The following STX6 variants were observed in gnomAD, a reference collection of about 807,000 sequenced individuals.
STX6 encodes the protein syntaxin-6.
A neutral mutation model predicts 38.0 loss-of-function variants in STX6; 23 were observed. That is an observed-to-expected ratio of 0.60 (90% CI 0.43 to 0.86). The LOEUF is 0.86. Among genes scored for constraint, STX6 ranks in the 40% least tolerant of loss-of-function variants. STX6 has a pLI of 0.00. For missense variants in STX6, 274 were observed against 312.9 expected (o/e 0.88, Z 0.94); for synonymous variants, 123 against 107.5 (o/e 1.14, Z -0.89).
chr1:181,009,479 A>AAAAAAAAAAGC (rs1656332193), intron 1 of STX6, among the ~76,000 whole-genome samples: 2 of 152,032 alleles, frequency 1.3e-5, no homozygotes, highest in African/African-American at 4.8e-5. Context: ...CCAAAAAAAA[A>AAAAAAAAAAGC]AAAAAAAAAG....
At chr1:180,998,857 G>A (rs958207796) in intron 3 of STX6, among the ~76,000 whole-genome samples, 14 of 152,120 alleles carry the variant, frequency 9.2e-5, no homozygotes, top group African/African-American at 3.1e-4. Context: ...AACACATGAC[G>A]TTTAGAACCA....
At chr1:180,979,200 G>A (rs1655336138) in intron 7 of STX6, among the ~76,000 whole-genome samples, 1 of 151,992 alleles carries the variant, frequency 6.6e-6, no homozygotes. Flanking sequence ...CTAAGGAAAG[G>A]ATCTCTGAGC....
At chr1:180,987,977 G>C in intron 6 of STX6, 1 of 306,940 alleles carries the variant, frequency 3.3e-6, no homozygotes, top group South Asian at 3.8e-5. Flanking sequence ...ACTATACTTC[G>C]AGTATCTGCT....
Position 180,976,646 on chromosome 1 carries a change from T to C in STX6, c.692A>G (p.Asp231Gly). The change falls in exon 8 of 8, where the codon GAT (aspartate) becomes GGT (glycine). Residue 231 changes from aspartate (D) to glycine (G), a missense_variant and splice_region_variant. Physicochemically the swap from Asp to Gly is moderately conservative, Grantham distance 94. Coordinates refer to ENST00000258301, the MANE Select transcript of STX6 (RefSeq NM_005819.6). Reference protein sequence around the residue: ...KLAKVSHMTSDRRQWCAIAIL... With the variant: ...KLAKVSHMTSGRRQWCAIAIL... ...GGCTATGGCACACCATTGGCGCCGA[T>C]CTGGAAGGCAGGACATGGGGATTAG... 1.2e-6 allele frequency: 2 copies of C among 1,613,240 alleles called. No individual in the cohort carries two copies. The highest frequency in any genetic ancestry group is 1.7e-6 in the Non-Finnish European group (2 of 1,179,972).
In STX6 at chr1:181,002,699, G is replaced by A. The variant is rs1656118370; in HGVS notation, c.207C>T (p.Ser69=). The A allele has an allele frequency of 6.2e-7, 1 of 1,608,996 alleles. No individual in the cohort carries two copies. The highest frequency in any genetic ancestry group is 8.5e-7 in the Non-Finnish European group (1 of 1,175,982). ...ATTTTCTAGGATTTGCTTCAACTAT[G>A]CGTAGGTCAAAAAGTCAAGGTAAAA... ...WDLEDLDETI[S]IVEANPRKFN... Residue 69 remains serine, a splice_region_variant and synonymous_variant, in exon 3 of 8, where the codon AGC becomes AGT. Coordinates refer to ENST00000258301, the MANE Select transcript of STX6 (RefSeq NM_005819.6).
chr1:180,983,654 G>T (rs531286480), intron 7 of STX6, among the ~76,000 whole-genome samples: 1 of 152,258 alleles, frequency 6.6e-6, no homozygotes, highest in East Asian at 1.9e-4. Context: ...ATCAATGAAA[G>T]AATGTTCAGG....
intron 5 of STX6, chr1:180,988,622 T>C: frequency 6.1e-6 from 2 of 326,366 alleles, no homozygotes; most frequent in South Asian, 5.8e-5. Flanking sequence ...TGACGTCCAA[T>C]AATGGAGCAG....
intron 3 of STX6, among the ~76,000 whole-genome samples, chr1:181,002,158 C>A (rs1057391046): frequency 5.9e-5 from 9 of 152,148 alleles, no homozygotes; most frequent in African/African-American, 1.9e-4. Flanking sequence ...AGATTAAAAA[C>A]AGATTTCTTT....
rs541057744 is a variant in STX6, at chr1:181,000,425, G to A, written c.300+2181C>T. ...GGCAACTTCTTCACAAGGCAGCAGG[G>A]AAGAGTGACAGAGCAAAGTGGGAAG... is the stretch of plus-strand genomic sequence containing the variant. On this transcript the variant is annotated intron_variant, in intron 3 of 7. Coordinates refer to ENST00000258301, the MANE Select transcript of STX6 (RefSeq NM_005819.6). Among the ~76,000 whole-genome samples the A allele has an allele frequency of 1.9e-4, 29 of 152,296 alleles. No individual in the cohort carries two copies. In the South Asian group the frequency reaches 6.0e-3, roughly 32 times the overall value.
chr1:181,007,124 T>C (rs1045235928), intron 1 of STX6, among the ~76,000 whole-genome samples: 3 of 152,186 alleles, frequency 2.0e-5, no homozygotes, highest in Non-Finnish European at 4.4e-5. Flanking sequence ...TCCTTTGGTA[T>C]CCTTAGGGGA....
chr1:181,001,490 C>T (rs542875887), intron 3 of STX6, among the ~76,000 whole-genome samples: 1 of 152,232 alleles, frequency 6.6e-6, no homozygotes, highest in East Asian at 1.9e-4. Context: ...GATTTGTTCA[C>T]TTGGATCAAT....
rs191051391 is a variant in STX6, at chr1:181,009,225, G to A, written c.36-3762C>T. ...CTCATGCCTGTAATCACAGCATGTT[G>A]GGAGGCCAAGGCAGGTGGATCACTT... On this transcript the variant is annotated intron_variant, in intron 1 of 7. Transcript: ENST00000258301. Among the ~76,000 whole-genome samples, 160 of 152,120 alleles carry A rather than the reference G, an allele frequency of 1.1e-3. 1 individual carries two copies. The highest frequency in any genetic ancestry group is 1.9e-4 in the Non-Finnish European group (13 of 68,014).
chr1:181,017,824 T>C (rs1656606529), intron 1 of STX6, among the ~76,000 whole-genome samples: 1 of 152,112 alleles, frequency 6.6e-6, no homozygotes, highest in Admixed American at 6.5e-5. Context: ...CAAGGGGGAA[T>C]ATTCTGGAGG....
At chr1:181,018,905 G>A (rs1008906407) in intron 1 of STX6, among the ~76,000 whole-genome samples, 1 of 152,130 alleles carries the variant, frequency 6.6e-6, no homozygotes, top group Non-Finnish European at 1.5e-5. Context: ...TATTTTACCT[G>A]CACTGGGAAG....
Position 180,990,095 on chromosome 1 carries a change from G to A in STX6, c.378C>T (p.Asp126=). 6.2e-7 allele frequency: 1 copy of A among 1,614,188 alleles called. No homozygotes were observed. Among genetic ancestry groups the A allele is most frequent in the Middle Eastern group, 1.6e-4 (1 of 6,062 alleles). Residue 126 remains aspartate, a synonymous_variant, in exon 5 of 8, where the codon GAC becomes GAT. Coordinates refer to ENST00000258301, the MANE Select transcript of STX6 (RefSeq NM_005819.6). ...CAGTGCTCCAGTTCTGGCTGCCACTGTCTCCCAGCAGTGCCTGTGTGAGAA... is the reference window on the plus strand; with the variant it reads ...CAGTGCTCCAGTTCTGGCTGCCACTATCTCCCAGCAGTGCCTGTGTGAGAA... ...ERKNRQALLG[D]SGSQNWSTGT... is the part of the protein sequence containing the mutation.
chr1:181,018,791 C>T (rs887008469), intron 1 of STX6, among the ~76,000 whole-genome samples: 4 of 152,206 alleles, frequency 2.6e-5, no homozygotes, highest in African/African-American at 9.7e-5. Flanking sequence ...AACACTACCA[C>T]CAAATCAATA....
intron 1 of STX6, among the ~76,000 whole-genome samples, chr1:181,017,703 GACT>G (rs1212099289): frequency 6.6e-6 from 1 of 152,116 alleles, no homozygotes; most frequent in Non-Finnish European, 1.5e-5. Context: ...CAAAGATGAA[GACT>G]ACAAGATTTA....
intron 3 of STX6, among the ~76,000 whole-genome samples, chr1:180,995,635 C>T (rs1655886969): frequency 6.6e-6 from 1 of 152,208 alleles, no homozygotes; most frequent in African/African-American, 2.4e-5. Context: ...GCAGTCGGAA[C>T]GCTTGAGGCC....
rs148397419 is a variant in STX6 at position 180,999,810 on chromosome 1, GAACT to G, written c.300+2792_300+2795del. Among the ~76,000 whole-genome samples, 583 of 152,222 alleles carry G rather than the reference GAACT, an allele frequency of 3.8e-3. 5 individuals are homozygous for G. The highest frequency in any genetic ancestry group is 0.013 in the African/African-American group (557 of 41,526). On this transcript the variant is annotated intron_variant, in intron 3 of 7. Coordinates refer to ENST00000258301, the MANE Select transcript of STX6 (RefSeq NM_005819.6). ...AAGCCCACTAGTAATAGTAACAGAA[GAACT>G]AACATAAATTTGTACAAATTCCTAA...
Sources: allele counts gnomAD v4.1 joint callset (sites outside exome capture counted in the v4.1 genomes callset), GRCh38; gene constraint gnomAD v4.1.1; transcripts MANE v1.5; gene names NCBI Gene and HGNC (gene_info 2026-07-23, HGNC 2026-07-21).